Variants in C4orf50 observed in about 807,000 individuals in gnomAD.
C4orf50 encodes the protein uncharacterized protein C4orf50.
In C4orf50, 80 loss-of-function variants were observed where a neutral mutation model predicts 77.2. The observed-to-expected ratio is 1.04, with a 90% CI of 0.87 to 1.25. The LOEUF (loss-of-function observed/expected upper bound fraction) is 1.25. C4orf50 is among the 50% of genes most tolerant of loss of function. C4orf50 has a pLI of 0.00. For synonymous variants in C4orf50, 532 were observed against 465.3 expected (o/e 1.14, Z -1.84); for missense variants, 1,257 against 1,152.9 (o/e 1.09, Z -1.31).
Position 5,918,325 on chromosome 4 carries a change from G to T in C4orf50, c.*2475-20137C>A, listed in dbSNP as rs113712636. ...TGGAGTCACAGAGTGGGAGGGCCTC[G>T]CTCAAGGCTCTGCATCTGTTACAGA... On this transcript the variant is annotated intron_variant, in intron 7 of 7. Transcript: ENST00000324058. 2.0e-5 allele frequency among the ~76,000 whole-genome samples: 3 copies of T among 152,144 alleles called. No individual in the cohort carries two copies. The South Asian group carries it at 6.2e-4, about 32-fold the overall frequency.
At position 6,018,412 on chromosome 4, in the gene C4orf50, C is replaced by G. The variant is rs978761767; in HGVS notation, c.20G>C (p.Gly7Ala). 4.0e-5 allele frequency: 16 copies of G among 399,030 alleles called. No individual in the cohort carries two copies. The East Asian group carries it at 5.7e-4, about 14-fold the overall frequency. 24.7% of individuals were successfully genotyped at this position (399,030 alleles called of 1,614,324 possible). The stretch of plus-strand genomic sequence containing the variant: ...GTAGCTGAAACTCTCCTCAGTCCGT[C>G]CCTTGGCTGTTGGCTCCATCTCAGA... Residue 7 changes from glycine (G) to alanine (A), a missense_variant, in exon 23 of 34, where the codon GGA becomes GCA. By Grantham distance (60) the Gly-to-Ala change is moderately conservative. Coordinates refer to ENST00000531445, the Ensembl canonical transcript of C4orf50. This position sits in a 1 kb window ranked among gnomAD's most constrained non-coding sequence, Gnocchi z 5.1.
intron 30 of C4orf50, among the ~76,000 whole-genome samples, chr4:5,975,477 T>C (rs975641472): frequency 5.4e-5 from 8 of 148,664 alleles, no homozygotes; most frequent in African/African-American, 2.0e-4. Context: ...TCTGTCTCCT[T>C]CATTCTTCTT....
Position 6,007,904 on chromosome 4 carries a change from C to G in C4orf50, c.963+92G>C, listed in dbSNP as rs1028386929. On this transcript the variant is annotated intron_variant, in intron 25 of 33. Transcript: ENST00000531445. The surrounding 1 kb of genome is among the most constrained non-coding windows in gnomAD (Gnocchi z 4.1). ...TTAAACGGCTGTAGGAAGAGGAGCC[C>G]GGGGAATGGATGGGCCAATGACTTC... 1.0e-5 allele frequency: 4 copies of G among 398,364 alleles called. No individual in the cohort carries two copies. The highest frequency in any genetic ancestry group is 1.3e-5 in the Non-Finnish European group (3 of 226,130). The allele number at this position is 398,364 out of a possible 1,614,324, so 24.7% of individuals were successfully genotyped here.
rs980486217 is a variant in C4orf50 at position 5,963,291 on chromosome 4, A to T, written c.4275+1733T>A. Among the ~76,000 whole-genome samples the T allele has an allele frequency of 2.6e-5, 4 of 152,124 alleles. No homozygotes were observed. In the East Asian group the frequency reaches 7.7e-4, roughly 29 times the overall value. ...ATTACAGGTGTGAGCCACTGCGCCC[A>T]GCCTGCCTAGAATATCTTCTACCTG... On this transcript the variant is annotated intron_variant, in intron 33 of 33. Coordinates refer to ENST00000531445, the Ensembl canonical transcript of C4orf50.
intron 32 of C4orf50, among the ~76,000 whole-genome samples, chr4:5,965,812 G>A (rs567659166): frequency 6.6e-6 from 1 of 152,304 alleles, no homozygotes; most frequent in South Asian, 2.1e-4. Context: ...TCCAGAGGAA[G>A]GTCATATTAT....
chr4:6,005,589 T>C (rs1722216397), intron 25 of C4orf50, among the ~76,000 whole-genome samples: 1 of 152,212 alleles, frequency 6.6e-6, no homozygotes, highest in Non-Finnish European at 1.5e-5. Context: ...CTGGCCATGA[T>C]ACTTAACAGC....
intron 7 of C4orf50, among the ~76,000 whole-genome samples, chr4:5,946,126 C>A: frequency 6.6e-6 from 1 of 152,374 alleles, no homozygotes; most frequent in Non-Finnish European, 1.5e-5. Context: ...GCCCTCTGAA[C>A]CTAGGGTGGT....
chr4:5,937,665 C>T (rs977988328), intron 7 of C4orf50, among the ~76,000 whole-genome samples: 10 of 152,082 alleles, frequency 6.6e-5, no homozygotes, highest in Non-Finnish European at 1.2e-4. Context: ...ATTTAAAATA[C>T]AGCTATATGC....
chr4:5,962,082 G>A (rs1036466117), intron 33 of C4orf50, among the ~76,000 whole-genome samples: 2 of 152,198 alleles, frequency 1.3e-5, no homozygotes, highest in African/African-American at 2.4e-5. Flanking sequence ...AGACTGCAGC[G>A]AAAATGCAGT....
intron 7 of C4orf50, chr4:5,903,655 G>A (rs1323943484): frequency 6.6e-6 from 1 of 152,172 alleles, no homozygotes; most frequent in East Asian, 1.9e-4. Context: ...GAAATGAGGA[G>A]TGAATCTTTC....
At chr4:5,996,649 T>C (rs979807956) in intron 25 of C4orf50, among the ~76,000 whole-genome samples, 11 of 152,362 alleles carry the variant, frequency 7.2e-5, no homozygotes, top group African/African-American at 2.4e-4. Flanking sequence ...TGGCCTCCTG[T>C]TGATCTGTAT....
chr4:5,969,071 A>G (rs6813176), intron 31 of C4orf50, among the ~76,000 whole-genome samples: 37,096 of 152,088 alleles, frequency 0.24, 6,382 homozygotes, highest in East Asian at 0.88. Context: ...TGCGGAACAG[A>G]AATACGGTAC....
chr4:5,975,002 T>C (rs1245564723), intron 30 of C4orf50, among the ~76,000 whole-genome samples: 1 of 151,352 alleles, frequency 6.6e-6, no homozygotes, highest in Non-Finnish European at 1.5e-5. Context: ...TAGCCAAGTG[T>C]GGTGGCACAT....
At chr4:5,930,852 G>A (rs187416411) in intron 7 of C4orf50, among the ~76,000 whole-genome samples, 47 of 152,364 alleles carry the variant, frequency 3.1e-4, no homozygotes, top group Non-Finnish European at 1.2e-4. Flanking sequence ...GCATGGGCCT[G>A]GCAGGTACTC....
intron 28 of C4orf50, among the ~76,000 whole-genome samples, chr4:5,984,490 C>G (rs1418431497): frequency 6.6e-6 from 1 of 152,112 alleles, no homozygotes; most frequent in Non-Finnish European, 1.5e-5. Flanking sequence ...AATGGATGTA[C>G]AGATGGACTA....
At chr4:5,999,212 A>C (rs1469707188) in intron 25 of C4orf50, among the ~76,000 whole-genome samples, 2 of 152,208 alleles carry the variant, frequency 1.3e-5, no homozygotes, top group East Asian at 3.9e-4. Context: ...CTCCCAGAGC[A>C]CATCAGACAT....
intron 7 of C4orf50, among the ~76,000 whole-genome samples, chr4:5,946,255 G>A (rs917171616): frequency 6.6e-6 from 1 of 152,092 alleles, no homozygotes; most frequent in African/African-American, 2.4e-5. Context: ...GTGGGAGGAC[G>A]GCAGCCAGGC....
At chr4:5,936,160 C>T (rs1397949081) in intron 7 of C4orf50, among the ~76,000 whole-genome samples, 1 of 151,854 alleles carries the variant, frequency 6.6e-6, no homozygotes, top group Non-Finnish European at 1.5e-5. Flanking sequence ...GATCACACGG[C>T]CTGGATTTAA....
At chr4:6,012,335 T>A (rs1476373866) in intron 23 of C4orf50, among the ~76,000 whole-genome samples, 1 of 152,086 alleles carries the variant, frequency 6.6e-6, no homozygotes, top group African/African-American at 2.4e-5. Context: ...TGCAGGTGGG[T>A]TCTGCTACCC....
Sources: gnomAD v4.1 joint callset for allele counts (sites outside exome capture counted in the v4.1 genomes callset) on GRCh38, gnomAD v4.1.1 for gene constraint, Gnocchi (gnomAD v3.1) non-coding constraint, MANE v1.5 for transcripts, NCBI Gene and HGNC (gene_info 2026-07-23, HGNC 2026-07-21) for gene names.